The following PTGER3 variants were observed in gnomAD, a reference collection of about 807,000 sequenced individuals.
PTGER3 encodes prostaglandin E2 receptor EP3 subtype.
Under a neutral mutation model 34.7 loss-of-function variants are expected in PTGER3, and 22 were observed. That is an observed-to-expected ratio of 0.63 (90% confidence interval 0.45 to 0.91). The LOEUF (loss-of-function observed/expected upper bound fraction) is 0.91. PTGER3 is among the 40% of genes least tolerant of loss of function. PTGER3 has a pLI of 0.00. For synonymous variants in PTGER3, 241 were observed against 230.1 expected (o/e 1.05, Z -0.43); for missense variants, 468 against 519.4 (o/e 0.90, Z 0.96).
At chr1:71,018,974 G>A (rs994860493) in intron 1 of PTGER3, among the ~76,000 whole-genome samples, 1 of 152,166 alleles carries the variant, frequency 6.6e-6, no homozygotes, top group Non-Finnish European at 1.5e-5. Flanking sequence ...GAAGCAGTGA[G>A]CATGCTACTG....
At chr1:70,884,202 G>A in intron 4 of PTGER3, 1 of 226,600 alleles carries the variant, frequency 4.4e-6, no homozygotes, top group Non-Finnish European at 9.0e-6. Context: ...GGGACACCCT[G>A]ATTCTTATTT....
chr1:71,042,790 A>G (rs1004295962), intron 1 of PTGER3, among the ~76,000 whole-genome samples: 23 of 152,208 alleles, frequency 1.5e-4, no homozygotes, highest in Non-Finnish European at 2.8e-4. Context: ...ATGAAAAAAA[A>G]TCACAACTAC....
chr1:70,947,051 CT>C (rs1270026508), intron 4 of PTGER3, among the ~76,000 whole-genome samples: 2 of 152,186 alleles, frequency 1.3e-5, no homozygotes, highest in African/African-American at 4.8e-5. Context: ...GCACTGTGTT[CT>C]TGGGGAAGTC....
At chr1:70,897,951 T>A (rs1646756581) in intron 4 of PTGER3, among the ~76,000 whole-genome samples, 1 of 152,162 alleles carries the variant, frequency 6.6e-6, no homozygotes, top group African/African-American at 2.4e-5. Flanking sequence ...TACTACTTAA[T>A]CTATTTGAAC....
At chr1:70,918,858 G>T (rs1411885559) in intron 4 of PTGER3, among the ~76,000 whole-genome samples, 1 of 151,944 alleles carries the variant, frequency 6.6e-6, no homozygotes, top group African/African-American at 2.4e-5. Flanking sequence ...CTATATACTA[G>T]ATACATGGTA....
At chr1:70,915,700 T>G (rs1298127915) in intron 4 of PTGER3, among the ~76,000 whole-genome samples, 2 of 151,974 alleles carry the variant, frequency 1.3e-5, no homozygotes, top group Non-Finnish European at 2.9e-5. Context: ...AAAACCATTT[T>G]CTGAATAGGG....
rs181057729 is a variant in PTGER3, at chr1:70,879,511, G to C, written c.*24-26652C>G. Among the ~76,000 whole-genome samples, 8 of 152,272 alleles carry C rather than the reference G, an allele frequency of 5.3e-5. No individual in the cohort carries two copies. The East Asian group carries it at 1.5e-3, about 29-fold the overall frequency. On this transcript the variant is annotated intron_variant, in intron 4 of 4. Transcript: ENST00000370931. ...GATCATCCCACCTTGGCCTCCTAAA[G>C]TGCTGGGATTATAGGGGTGAGCCAC...
At chr1:70,902,512 G>A (rs1165285805) in intron 4 of PTGER3, among the ~76,000 whole-genome samples, 2 of 152,192 alleles carry the variant, frequency 1.3e-5, no homozygotes, top group African/African-American at 4.8e-5. Flanking sequence ...CAACAGTAAA[G>A]GTCACACTGT....
intron 2 of PTGER3, among the ~76,000 whole-genome samples, chr1:70,959,604 G>T (rs186447924): frequency 1.3e-5 from 2 of 151,960 alleles, no homozygotes; most frequent in Non-Finnish European, 2.9e-5. Context: ...CGAATGATCC[G>T]TCTGCCACAG....
At chr1:70,978,265 A>G (rs1294309918) in intron 2 of PTGER3, among the ~76,000 whole-genome samples, 2 of 152,172 alleles carry the variant, frequency 1.3e-5, no homozygotes, top group African/African-American at 4.8e-5. Flanking sequence ...TGTAGTACTC[A>G]GGCTAGATAT....
intron 2 of PTGER3, among the ~76,000 whole-genome samples, chr1:70,992,700 A>G (rs1465050176): frequency 6.6e-6 from 1 of 152,198 alleles, no homozygotes; most frequent in Non-Finnish European, 1.5e-5. Context: ...CACTTGAGCA[A>G]CCAAGGACAT....
intron 2 of PTGER3, chr1:71,006,372 CA>C: frequency 2.0e-6 from 2 of 985,378 alleles, no homozygotes; most frequent in Non-Finnish European, 2.4e-6. Context: ...ATAGTGACCT[CA>C]ATAAGTACAT....
chr1:70,868,740 GA>G (rs1169711446), intron 4 of PTGER3, among the ~76,000 whole-genome samples: 1 of 152,152 alleles, frequency 6.6e-6, no homozygotes, highest in Non-Finnish European at 1.5e-5. Context: ...AACATTAGTG[GA>G]AACTCATGCA....
intron 4 of PTGER3, among the ~76,000 whole-genome samples, chr1:70,859,741 A>G (rs1217113878): frequency 1.3e-5 from 2 of 152,228 alleles, no homozygotes; most frequent in African/African-American, 4.8e-5. Context: ...CTATGACTCT[A>G]TTTAAAAAGT....
intron 3 of PTGER3, 153 bp downstream of exon 3, chr1:70,974,144 T>C: frequency 8.7e-7 from 1 of 1,152,940 alleles, no homozygotes; most frequent in South Asian, 2.2e-5. Flanking sequence ...AAACAACAAC[T>C]CCTCTAAGGA....
At chr1:70,981,381 TTCTTTCTTTCTTTCCTTCCTTCC>T (rs1419369568) in intron 2 of PTGER3, among the ~76,000 whole-genome samples, 1 of 80,240 alleles carries the variant, frequency 1.2e-5, no homozygotes, top group Admixed American at 1.5e-4. Context: ...CTTTCTTTCT[TTCTTTCTTTCTTTCCTTCCTTCC>T]TTCCTTCCTT....
rs192004405 is a variant in PTGER3, at chr1:70,973,597, G to A, written c.1169+700C>T. On this transcript the variant is annotated intron_variant, in intron 3 of 3. Coordinates refer to ENST00000306666, the MANE Select transcript of PTGER3 (RefSeq NM_198719.2). ...CATTACCCAGAGAATAAAATAAAAT[G>A]AGCATGCTTTTTCGCTAAAATGAAG... Among the ~76,000 whole-genome samples, 269 of 152,166 alleles carry A rather than the reference G, an allele frequency of 1.8e-3. 1 individual carries two copies. The highest frequency in any genetic ancestry group is 6.1e-3 in the African/African-American group (252 of 41,516).
chr1:70,920,428 G>T (rs1647412819), intron 4 of PTGER3, among the ~76,000 whole-genome samples: 2 of 152,168 alleles, frequency 1.3e-5, no homozygotes, highest in South Asian at 4.1e-4. Context: ...ATTGAGCAGG[G>T]TTCCAATATA....
intron 4 of PTGER3, among the ~76,000 whole-genome samples, chr1:70,947,025 T>G (rs1650287484): frequency 6.6e-6 from 1 of 152,100 alleles, no homozygotes; most frequent in South Asian, 2.1e-4. Flanking sequence ...AGGACTAGGT[T>G]TGTATCTCAG....
Sources: allele counts gnomAD v4.1 joint callset (sites outside exome capture counted in the v4.1 genomes callset), GRCh38; gene constraint gnomAD v4.1.1; transcripts MANE v1.5; gene names NCBI Gene and HGNC (gene_info 2026-07-23, HGNC 2026-07-21).